PRAC2: variants seen among roughly 807,000 people sequenced by gnomAD.
PRAC2 encodes PRAC2 small nuclear protein, also known as protein PRAC2.
For synonymous variants in PRAC2, 43 were observed against 49.5 expected (o/e 0.87, Z 0.55); for missense variants, 92 against 114.5 (o/e 0.80, Z 0.90).
chr17:48,723,150 T>C, upstream of PRAC2: 1 of 151,728 alleles, frequency 6.6e-6, no homozygotes, highest in Non-Finnish European at 1.5e-5. Flanking sequence ...GGGCGGGGTG[T>C]CCTGCTTTTG....
upstream of PRAC2, chr17:48,721,717 A>C (rs2143040290): frequency 1.6e-6 from 2 of 1,273,234 alleles, no homozygotes; most frequent in African/African-American, 3.1e-5. Context: ...ACTTTCACCC[A>C]GTTTCCTTTT....
At chr17:48,721,997 T>C (rs2143041793), upstream of PRAC2, 5 of 1,299,368 alleles carry the variant, frequency 3.8e-6, no homozygotes, top group Non-Finnish European at 5.2e-6. Flanking sequence ...GAGACAAACA[T>C]TAAGTCTTAT....
chr17:48,722,307 G>C, upstream of PRAC2: 2 of 1,610,062 alleles, frequency 1.2e-6, no homozygotes, highest in South Asian at 1.1e-5. Flanking sequence ...TTGGCCCACC[G>C]ATCAGTTTAC....
chr17:48,719,300 G>A (rs913778067), upstream of PRAC2, among the ~76,000 whole-genome samples: 14 of 152,046 alleles, frequency 9.2e-5, no homozygotes, highest in Non-Finnish European at 1.2e-4. Flanking sequence ...CTCCGCAGTC[G>A]GCGGGTCGCC....
chr17:48,722,333 A>G (rs1411376597), upstream of PRAC2: 1 of 1,613,946 alleles, frequency 6.2e-7, no homozygotes, highest in Non-Finnish European at 8.5e-7. Context: ...TAGAGAGAAA[A>G]GCACTCTTGG....
At chr17:48,719,122 G>A (rs1447955422), upstream of PRAC2, among the ~76,000 whole-genome samples, 2 of 152,308 alleles carry the variant, frequency 1.3e-5, no homozygotes, top group East Asian at 3.9e-4. Context: ...ATGTTACCGA[G>A]CCAGGGAGAG....
upstream of PRAC2, among the ~76,000 whole-genome samples, chr17:48,721,117 C>T (rs1034011058): frequency 3.3e-5 from 5 of 152,012 alleles, no homozygotes; most frequent in African/African-American, 1.2e-4. Flanking sequence ...ATTACTGTGC[C>T]CACCCCAAGA....
In PRAC2 at chr17:48,724,724, C is replaced by T. The variant is rs1471044941; in HGVS notation, c.*41C>T. 2.9e-6 allele frequency: 3 copies of T among 1,029,990 alleles called. No homozygotes were observed. The highest frequency in any genetic ancestry group is 3.6e-4 in the Middle Eastern group (1 of 2,812). The allele number at this position is 1,029,990 out of a possible 1,614,324, so 63.8% of individuals were successfully genotyped here. ...GGGCGCCCACGTCTTTTTAATGGTC[C>T]TAACACACCAGTGGAATAAATCTCT... On this transcript the variant is annotated 3_prime_UTR_variant, in exon 2 of 2. Transcript: ENST00000422730.
chr17:48,724,351 A>C lies in PRAC2; in HGVS notation c.-60A>C. On this transcript the variant is annotated 5_prime_UTR_variant, in exon 2 of 2. Transcript: ENST00000422730. ...AGGTTCCATACAAGTAAATCCGAAA[A>C]AAAGTGTGTGTGGGGGGGTCCACAC... The C allele has an allele frequency of 1.6e-6, 2 of 1,234,266 alleles. No individual in the cohort carries two copies. Among genetic ancestry groups the C allele is most frequent in the Non-Finnish European group, 2.0e-6 (2 of 988,118 alleles). 76.5% of individuals were successfully genotyped at this position (1,234,266 alleles called of 1,614,324 possible). A position where few individuals can be genotyped will look rare whatever the true frequency, so the allele number is the denominator to read the frequency against.
chr17:48,719,063 G>A (rs2411797), upstream of PRAC2, among the ~76,000 whole-genome samples: 428 of 152,300 alleles, frequency 2.8e-3, 3 homozygotes, highest in African/African-American at 1.0e-2. Flanking sequence ...AGACGGAGTG[G>A]CCCCTGCGCC....
Sources: allele counts gnomAD v4.1 joint callset (sites outside exome capture counted in the v4.1 genomes callset), GRCh38; gene constraint gnomAD v4.1.1; transcripts MANE v1.5; gene names NCBI Gene and HGNC (gene_info 2026-07-23, HGNC 2026-07-21).